L3HYPDH: variants seen among roughly 807,000 people sequenced by gnomAD.
The protein encoded by L3HYPDH is trans-3-hydroxy-L-proline dehydratase.
In L3HYPDH, 32 loss-of-function variants were observed where a neutral mutation model predicts 26.5. The ratio of observed to expected loss-of-function variants is 1.21; its 90% CI spans 0.91 to 1.62. L3HYPDH has a LOEUF of 1.62. Among genes scored for constraint, L3HYPDH ranks in the 40% most tolerant of loss-of-function variants. The pLI is 0.00. For synonymous variants in L3HYPDH, 215 were observed against 196.6 expected, an observed-to-expected ratio of 1.09 and a Z score of -0.78; for missense variants, 554 against 476.4, an observed-to-expected ratio of 1.16 and a Z score of -1.52.
At chr14:59,479,918 T>C (rs970883298) in intron 1 of L3HYPDH, among the ~76,000 whole-genome samples, 7 of 152,252 alleles carry the variant, frequency 4.6e-5, no homozygotes, top group African/African-American at 1.7e-4. Context: ...CATTGACTGC[T>C]ACAGCATCAT....
chr14:59,498,561 G>A, the L3HYPDH span, among the ~76,000 whole-genome samples: 22 of 152,268 alleles, frequency 1.4e-4, no homozygotes, highest in Non-Finnish European at 2.5e-4. Context: ...CTTGCTAGCC[G>A]TGTATGACAG....
chr14:59,479,368 T>A lies in L3HYPDH; in HGVS notation c.509-17A>T, dbSNP rs1161080620. ...CCATGAGATCTAAAAAAAAGATGTG[T>A]TTGGAAAGAAGATGTGTTTGTTAAT... On this transcript the variant is annotated splice_polypyrimidine_tract_variant and intron_variant, in intron 1 of 4. Transcript: ENST00000247194. 1.9e-6 allele frequency: 3 copies of A among 1,605,046 alleles called. No homozygotes were observed. Among genetic ancestry groups the A allele is most frequent in the Admixed American group, 3.5e-5 (2 of 57,712 alleles).
At chr14:59,498,210 A>G in the L3HYPDH span, among the ~76,000 whole-genome samples, 1 of 152,210 alleles carries the variant, frequency 6.6e-6, no homozygotes, top group Admixed American at 6.5e-5. Context: ...TTAAGGCTAT[A>G]CTATGACATG....
rs779547606 is a variant in L3HYPDH, at chr14:59,484,328, G to T, written c.-12C>A. On this transcript the variant is annotated 5_prime_UTR_variant, in exon 1 of 5. Transcript: ENST00000247194. ...AGCGCGCTCTCCATGGTCTGCGTCG[G>T]GGGAGACGAGTACGGTCCCGCAGCT... 7.0e-6 allele frequency: 11 copies of T among 1,575,002 alleles called. No individual in the cohort carries two copies. In the Admixed American group the frequency reaches 8.5e-5, roughly 12 times the overall value.
the L3HYPDH span, among the ~76,000 whole-genome samples, chr14:59,494,137 T>TGTGTGTGTGA: frequency 6.6e-6 from 1 of 151,432 alleles, no homozygotes; most frequent in African/African-American, 2.4e-5. Context: ...TGTGTGTGTG[T>TGTGTGTGTGA]GAGATACACA....
Position 59,474,562 on chromosome 14 carries a change from CT to C in L3HYPDH, c.939+1306del, listed in dbSNP as rs1889495268. Reference sequence around the variant, plus strand: ...AAGCCTCATTGACCTTTTGCTTTGTCTGACAGCAATATAATATAATGCTTAA... The same window carrying C: ...AAGCCTCATTGACCTTTTGCTTTGTCGACAGCAATATAATATAATGCTTAA... On this transcript the variant is annotated intron_variant, in intron 4 of 4. Transcript: ENST00000247194. 4.3e-6 allele frequency: 3 copies of C among 697,090 alleles called. No homozygotes were observed. In the African/African-American group the frequency reaches 5.3e-5, roughly 12 times the overall value. The allele number at this position is 697,090 out of a possible 1,614,324, so 43.2% of individuals were successfully genotyped here.
chr14:59,491,882 G>A, the L3HYPDH span, among the ~76,000 whole-genome samples: 1 of 152,192 alleles, frequency 6.6e-6, no homozygotes, highest in Non-Finnish European at 1.5e-5. Flanking sequence ...GACCCTCAAG[G>A]GCCTGAAGCC....
chr14:59,483,134 C>G (rs1444964472), intron 1 of L3HYPDH, among the ~76,000 whole-genome samples: 3 of 152,164 alleles, frequency 2.0e-5, no homozygotes, highest in African/African-American at 7.2e-5. Context: ...CAGTATCTTG[C>G]ATACTCTCAT....
At chr14:59,483,357 G>C (rs906686784) in intron 1 of L3HYPDH, 28 of 211,130 alleles carry the variant, frequency 1.3e-4, no homozygotes, top group Non-Finnish European at 2.2e-4. Flanking sequence ...TCAAAGAAGT[G>C]GGGGAGGTGA....
At chr14:59,504,109 C>T in the L3HYPDH span, 1 of 1,279,370 alleles carries the variant, frequency 7.8e-7, no homozygotes, top group South Asian at 1.2e-5. Context: ...CTGAGAAGTG[C>T]TCCTAATAAA....
upstream of L3HYPDH, chr14:59,485,864 C>T (rs1218758244): frequency 6.6e-6 from 1 of 152,262 alleles, no homozygotes; most frequent in Non-Finnish European, 1.5e-5. Flanking sequence ...GATCTGCCCA[C>T]CTCGACCTCC....
the L3HYPDH span, among the ~76,000 whole-genome samples, chr14:59,492,586 T>C: frequency 6.6e-6 from 1 of 152,222 alleles, no homozygotes; most frequent in Admixed American, 6.5e-5. Context: ...AGTCGAGATA[T>C]AATTTACCAG....
At chr14:59,503,444 G>A in the L3HYPDH span, among the ~76,000 whole-genome samples, 2 of 152,178 alleles carry the variant, frequency 1.3e-5, no homozygotes, top group Admixed American at 6.5e-5. Flanking sequence ...GGTTAAGGAG[G>A]TTGGGTTTCT....
At chr14:59,485,140 A>G, upstream of L3HYPDH, 2 of 1,597,116 alleles carry the variant, frequency 1.3e-6, no homozygotes, top group East Asian at 2.2e-5. Context: ...TGTTTATTTC[A>G]GTTCAGTTTA....
chr14:59,473,165 G>A (rs948408067), intron 4 of L3HYPDH, 75 bp from the exon 5 acceptor site: 3 of 1,373,488 alleles, frequency 2.2e-6, no homozygotes. Context: ...CTGTACTCTT[G>A]ACTTTTATCA....
At chr14:59,480,992 G>A (rs964402275) in intron 1 of L3HYPDH, among the ~76,000 whole-genome samples, 1 of 152,082 alleles carries the variant, frequency 6.6e-6, no homozygotes, top group South Asian at 2.1e-4. Context: ...CAACTAAATG[G>A]GGCATTGGCC....
chr14:59,492,322 A>G, the L3HYPDH span, among the ~76,000 whole-genome samples: 1 of 152,252 alleles, frequency 6.6e-6, no homozygotes, highest in East Asian at 1.9e-4. Context: ...AAATGCATAG[A>G]AATAATGGAA....
At chr14:59,504,410 CA>C in the L3HYPDH span, 1 of 233,292 alleles carries the variant, frequency 4.3e-6, no homozygotes, top group East Asian at 9.6e-5. Context: ...AAAGCTTTAA[CA>C]CGTGTAATCT....
the L3HYPDH span, among the ~76,000 whole-genome samples, chr14:59,496,498 CTCATT>C: frequency 1.3e-5 from 2 of 151,912 alleles, no homozygotes; most frequent in Non-Finnish European, 2.9e-5. Context: ...TAGCGATAGT[CTCATT>C]TATGTTATTT....
Sources: gnomAD v4.1 joint callset for allele counts (sites outside exome capture counted in the v4.1 genomes callset) on GRCh38, gnomAD v4.1.1 for gene constraint, MANE v1.5 for transcripts, NCBI Gene and HGNC (gene_info 2026-07-23, HGNC 2026-07-21) for gene names.